CATSPERD: variants seen among roughly 807,000 people sequenced by gnomAD.
CATSPERD encodes cation channel sperm-associated auxiliary subunit delta.
Under a neutral mutation model 98.1 loss-of-function variants are expected in CATSPERD, and 86 were observed. That is an observed-to-expected ratio of 0.88 (90% CI 0.74 to 1.05). CATSPERD has a LOEUF of 1.05. Ranked by LOEUF, CATSPERD falls within the 50% of genes least tolerant of loss-of-function variation. The pLI is 0.00. For missense variants in CATSPERD, 995 were observed against 1,005.7 expected (o/e 0.99, Z 0.14); for synonymous variants, 394 against 390.2 (o/e 1.01, Z -0.12).
chr19:5,763,088 T>G (rs1466904911), intron 15 of CATSPERD, 127 bp from the exon 16 acceptor site: 1 of 681,664 alleles, frequency 1.5e-6, no homozygotes, highest in African/African-American at 1.8e-5. Flanking sequence ...AATGAATGGA[T>G]GGAAGGATGG....
At chr19:5,773,093 C>G (rs1303546191) in intron 20 of CATSPERD, 128 bp downstream of exon 20, 11 of 909,190 alleles carry the variant, frequency 1.2e-5, no homozygotes, top group Non-Finnish European at 1.3e-5. Flanking sequence ...GTGGCTCACG[C>G]CTGTAATCCC....
intron 11 of CATSPERD, 45 bp downstream of exon 11, chr19:5,749,228 A>G (rs1369941500): frequency 7.0e-7 from 1 of 1,433,536 alleles, no homozygotes; most frequent in Non-Finnish European, 9.7e-7. Context: ...ACGGTGGTTC[A>G]CGCCTGTCAT....
At position 5,721,152 on chromosome 19, in the gene CATSPERD, C is replaced by T. The variant is rs541801612; in HGVS notation, c.71+344C>T. The stretch of plus-strand genomic sequence containing the variant: ...TAGCTGGGACTACAGGCGCCTGCCA[C>T]CACGCCCGGCTAATTTTTTTTTGTA... On this transcript the variant is annotated intron_variant, in intron 1 of 21. Coordinates refer to ENST00000381624, the MANE Select transcript of CATSPERD (RefSeq NM_152784.4). Among the ~76,000 whole-genome samples, 20 of 151,980 alleles carry T rather than the reference C, an allele frequency of 1.3e-4. No homozygotes were observed. The South Asian group carries it at 3.9e-3, about 30-fold the overall frequency.
At chr19:5,752,398 CAGG>C (rs1190268466) in intron 12 of CATSPERD, among the ~76,000 whole-genome samples, 1 of 151,662 alleles carries the variant, frequency 6.6e-6, no homozygotes, top group African/African-American at 2.4e-5. Context: ...CACTTGAGCC[CAGG>C]AGTTCGAGGC....
chr19:5,772,855 T>C lies in CATSPERD; in HGVS notation c.1831T>C (p.Phe611Leu). 1 of 1,614,044 alleles carries C rather than the reference T, an allele frequency of 6.2e-7. No homozygotes were observed. Among genetic ancestry groups the C allele is most frequent in the African/African-American group, 1.3e-5 (1 of 75,012 alleles). The change falls in exon 20 of 22, where the codon TTC becomes CTC. Residue 611 changes from phenylalanine to leucine, a missense_variant. Coordinates refer to ENST00000381624, the MANE Select transcript of CATSPERD (RefSeq NM_152784.4). ...TGTGTTACTGGAGGTGAACGGGCAGTTCTCATACTCCTATTCCCTGACGGC... is the reference window on the plus strand; with the variant it reads ...TGTGTTACTGGAGGTGAACGGGCAGCTCTCATACTCCTATTCCCTGACGGC... ...EYVLLEVNGQ[F>L]SYSYSLTAQS...
intron 1 of CATSPERD, among the ~76,000 whole-genome samples, chr19:5,723,617 C>G (rs1599500003): frequency 6.6e-6 from 1 of 150,898 alleles, no homozygotes; most frequent in Non-Finnish European, 1.5e-5. Context: ...GGTGCCGCAA[C>G]CACGCCCGGC....
intron 7 of CATSPERD, 42 bp downstream of exon 7, chr19:5,739,481 T>G: frequency 9.1e-7 from 1 of 1,103,248 alleles, no homozygotes; most frequent in Non-Finnish European, 1.3e-6. Context: ...AATACATATG[T>G]ACCTTGTGAT....
At chr19:5,758,169 C>G (rs981978870) in intron 14 of CATSPERD, among the ~76,000 whole-genome samples, 4 of 151,988 alleles carry the variant, frequency 2.6e-5, no homozygotes, top group Admixed American at 2.6e-4. Flanking sequence ...GGGAGGGTAG[C>G]CGGAGATCTG....
Position 5,778,520 on chromosome 19 carries a change from A to G in CATSPERD, c.2241A>G (p.Leu747=). Residue 747 remains leucine, a synonymous_variant, in exon 22 of 22, where the codon CTA becomes CTG. Coordinates refer to ENST00000381624, the MANE Select transcript of CATSPERD (RefSeq NM_152784.4). ...TGGCCTACAAGACCCCCAAGCTGCT[A>G]CGCACAGCACGCGGCCGCAGGATCA... The part of the protein sequence containing the change: ...VWLAYKTPKL[L]RTARGRRIKK... 7.4e-6 allele frequency: 12 copies of G among 1,613,970 alleles called. No individual in the cohort carries two copies. The highest frequency in any genetic ancestry group is 1.0e-5 in the Non-Finnish European group (12 of 1,180,028).
chr19:5,771,041 T>G lies in CATSPERD; in HGVS notation c.1732T>G (p.Tyr578Asp). The stretch of plus-strand genomic sequence containing the variant: ...GCTGGGCTGTCCTCTCCTCGTCTAC[T>G]ATGACACCCTATGGAAGCCCGTGGT... ...QQLGCPLLVY[Y>D]DTLWKPVVEL... The change falls in exon 19 of 22, where the codon TAT becomes GAT. Residue 578 changes from tyrosine to aspartate, a missense_variant. By Grantham distance (160) the Tyr-to-Asp change is radical. This residue lies in a region of CATSPERD where 762 missense variants were observed against 773.7 expected (regional missense o/e 0.98). Coordinates refer to ENST00000381624, the MANE Select transcript of CATSPERD (RefSeq NM_152784.4). The G allele has an allele frequency of 6.2e-7, 1 of 1,613,998 alleles. No homozygotes were observed. The highest frequency in any genetic ancestry group is 8.5e-7 in the Non-Finnish European group (1 of 1,179,958).
chr19:5,762,058 A>ATATATATATTTTTTTTT, intron 15 of CATSPERD, among the ~76,000 whole-genome samples: 2 of 10,438 alleles, frequency 1.9e-4, no homozygotes, highest in African/African-American at 3.3e-4. Context: ...ATATATATAT[A>ATATATATATTTTTTTTT]TTTTTTTTTT....
intron 5 of CATSPERD, among the ~76,000 whole-genome samples, chr19:5,735,800 G>T (rs1171392166): frequency 2.2e-5 from 3 of 134,618 alleles, no homozygotes; most frequent in Non-Finnish European, 4.7e-5. Flanking sequence ...TTTTTGAGAC[G>T]GCGTCTTGCT....
chr19:5,749,803 A>T (rs897901412), intron 11 of CATSPERD, among the ~76,000 whole-genome samples: 3 of 134,990 alleles, frequency 2.2e-5, no homozygotes, highest in African/African-American at 5.4e-5. Context: ...TGCCTATCTA[A>T]TTTTTTTTTT....
At chr19:5,729,417 T>C (rs571427468) in intron 3 of CATSPERD, among the ~76,000 whole-genome samples, 1 of 152,322 alleles carries the variant, frequency 6.6e-6, no homozygotes, top group African/African-American at 2.4e-5. Context: ...AATTCTTTTC[T>C]GTTGAAAACC....
chr19:5,739,842 A>AAAAAAAAAAAAAGG (rs57355784), intron 7 of CATSPERD, among the ~76,000 whole-genome samples: 1 of 132,984 alleles, frequency 7.5e-6, no homozygotes, highest in Non-Finnish European at 1.6e-5. Context: ...TCATCTCAAA[A>AAAAAAAAAAAAAGG]AAAAAAAAAA....
intron 8 of CATSPERD, among the ~76,000 whole-genome samples, chr19:5,744,725 C>G (rs539933498): frequency 6.6e-6 from 1 of 151,684 alleles, no homozygotes; most frequent in Non-Finnish European, 1.5e-5. Flanking sequence ...CTCAGCCTCC[C>G]GAGTAGCTGG....
At chr19:5,745,036 G>A (rs575586964) in intron 8 of CATSPERD, among the ~76,000 whole-genome samples, 53 of 152,004 alleles carry the variant, frequency 3.5e-4, no homozygotes, top group African/African-American at 1.3e-3. Context: ...TCTGCCTCCC[G>A]GGCTCAAGTG....
In CATSPERD at chr19:5,742,395, G is replaced by A. The variant is rs138129211; in HGVS notation, c.574-2032G>A. The stretch of plus-strand genomic sequence containing the variant: ...GTGGCAGTGGAATTGTTTTTATCAC[G>A]GACATTTCAAGAGGAGAGGTTACCG... On this transcript the variant is annotated intron_variant, in intron 7 of 21. Transcript: ENST00000381624. Among the ~76,000 whole-genome samples, 48 of 152,262 alleles carry A rather than the reference G, an allele frequency of 3.2e-4. No individual in the cohort carries two copies. In the East Asian group the frequency reaches 6.7e-3, roughly 21 times the overall value.
At chr19:5,741,453 G>A (rs1370107781) in intron 7 of CATSPERD, among the ~76,000 whole-genome samples, 1 of 152,014 alleles carries the variant, frequency 6.6e-6, no homozygotes, top group African/African-American at 2.4e-5. Context: ...CTATGTTGGG[G>A]GGTCCTCTGG....
Sources: allele counts gnomAD v4.1 joint callset (sites outside exome capture counted in the v4.1 genomes callset), GRCh38; gene constraint gnomAD v4.1.1; regional missense constraint gnomAD v4.1.1; transcripts MANE v1.5; gene names NCBI Gene and HGNC (gene_info 2026-07-23, HGNC 2026-07-21).